BRSK2: variants seen among roughly 807,000 people sequenced by gnomAD.
BRSK2 encodes the protein serine/threonine-protein kinase BRSK2.
A neutral mutation model predicts 83.3 loss-of-function variants in BRSK2; 19 were observed. That is an observed-to-expected ratio of 0.23 (90% CI 0.16 to 0.33). The LOEUF is 0.33. Among genes scored for constraint, BRSK2 ranks in the 10% least tolerant of loss-of-function variants. The pLI is 1.00. For synonymous variants in BRSK2, 519 were observed against 435.4 expected (o/e 1.19, Z -2.39); for missense variants, 798 against 1,042.3 (o/e 0.77, Z 3.23).
intron 18 of BRSK2, 126 bp downstream of exon 18, chr11:1,456,813 C>G (rs972508592): frequency 1.6e-5 from 21 of 1,306,930 alleles, no homozygotes; most frequent in Non-Finnish European, 2.0e-5. Context: ...GACGCCCCCA[C>G]CTCCCTGCCC....
At chr11:1,410,664 C>A (rs1300820161) in intron 1 of BRSK2, 12 of 985,304 alleles carry the variant, frequency 1.2e-5, no homozygotes, top group Non-Finnish European at 1.4e-5. Flanking sequence ...CACCTGTGGC[C>A]CTGAGTCAGC....
intron 19 of BRSK2, among the ~76,000 whole-genome samples, 154 bp from the exon 20 acceptor site, chr11:1,460,346 G>A (rs1847273857): frequency 6.6e-6 from 1 of 151,816 alleles, no homozygotes; most frequent in Non-Finnish European, 1.5e-5. Context: ...CCCCATCTCA[G>A]CCTCATCTCT....
Position 1,451,489 on chromosome 11 carries a change from T to C in BRSK2, c.1544+70T>C, listed in dbSNP as rs547142037. 2.0e-5 allele frequency: 31 copies of C among 1,521,530 alleles called. No individual in the cohort carries two copies. In the African/African-American group the frequency reaches 4.2e-4, roughly 21 times the overall value. The allele number at this position is 1,521,530 out of a possible 1,614,324, so 94.3% of individuals were successfully genotyped here. ...TGGCCGGGAGAGGGGCATGGAACCC[T>C]TCCCCTATGGCCAACGGGGTGCTCC... is the stretch of plus-strand genomic sequence containing the variant. On this transcript the variant is annotated intron_variant, in intron 15 of 19. Transcript: ENST00000528841.
intron 12 of BRSK2, among the ~76,000 whole-genome samples, 183 bp downstream of exon 12, chr11:1,446,090 T>A (rs977210112): frequency 0.032 from 3,447 of 109,416 alleles, 140 homozygotes; most frequent in African/African-American, 0.097. Flanking sequence ...GGGCTGGGCT[T>A]AGCTGGGCTG....
At chr11:1,399,191 C>T (rs1846310268) in intron 1 of BRSK2, among the ~76,000 whole-genome samples, 2 of 152,238 alleles carry the variant, frequency 1.3e-5, no homozygotes, top group Admixed American at 1.3e-4. Context: ...TGGGCAGGCC[C>T]CCCAGGGCAG....
rs1277569112 is a variant in BRSK2 at position 1,460,489 on chromosome 11, T to C, written c.1988-11T>C. The C allele has an allele frequency of 1.4e-6, 2 of 1,456,918 alleles. No homozygotes were observed. The highest frequency in any genetic ancestry group is 3.0e-5 in the African/African-American group (2 of 67,442). 90.2% of individuals were successfully genotyped at this position (1,456,918 alleles called of 1,614,324 possible). A position where few individuals can be genotyped will look rare whatever the true frequency, so the allele number is the denominator to read the frequency against. ...TTTTTTTTTTTTTTTGTCTCTGTTC[T>C]GTGTACCCAGGCAGCCCATTGAGTA... On this transcript the variant is annotated splice_polypyrimidine_tract_variant and intron_variant, in intron 19 of 19. Transcript: ENST00000528841.
At position 1,454,431 on chromosome 11, in the gene BRSK2, G is replaced by A; in HGVS notation, c.1545-54G>A. 4 of 1,605,000 alleles carry A rather than the reference G, an allele frequency of 2.5e-6. No individual in the cohort carries two copies. The highest frequency in any genetic ancestry group is 3.4e-6 in the Non-Finnish European group (4 of 1,174,414). On this transcript the variant is annotated intron_variant, in intron 15 of 19. Coordinates refer to ENST00000528841, the MANE Select transcript of BRSK2 (RefSeq NM_001256627.2). This position sits in a 1 kb window ranked among gnomAD's most constrained non-coding sequence, Gnocchi z 5.2. ...CAACCCCAGATTCGAGGGAGGCAGG[G>A]GTGTGGACGGTGCCACACCTCAATC...
rs547612009 is a variant in BRSK2 at position 1,461,688 on chromosome 11, G to A, written c.*965G>A. On this transcript the variant is annotated 3_prime_UTR_variant, in exon 20 of 20. Coordinates refer to ENST00000528841, the MANE Select transcript of BRSK2 (RefSeq NM_001256627.2). Reference sequence around the variant, plus strand: ...GGACAGAGCTGGTGGGGCGCGGGGGGGCTGGCGAGCTACTGTAAACTTTAA... The same window carrying A: ...GGACAGAGCTGGTGGGGCGCGGGGGAGCTGGCGAGCTACTGTAAACTTTAA... The A allele has an allele frequency of 7.9e-5, 12 of 152,206 alleles. No homozygotes were observed. Among genetic ancestry groups the A allele is most frequent in the Admixed American group, 2.0e-4 (3 of 15,304 alleles). 9.4% of individuals were successfully genotyped at this position (152,206 alleles called of 1,614,324 possible).
intron 14 of BRSK2, among the ~76,000 whole-genome samples, 174 bp downstream of exon 14, chr11:1,450,968 C>G (rs893913687): frequency 6.6e-6 from 1 of 152,344 alleles, no homozygotes; most frequent in South Asian, 2.1e-4. Context: ...CTGTGTCCTA[C>G]CTGTCGCACA....
rs761409749 is a variant in BRSK2 at position 1,416,520 on chromosome 11, C to T, written c.92-19520C>T. 8.5e-5 allele frequency among the ~76,000 whole-genome samples: 13 copies of T among 152,316 alleles called. No homozygotes were observed. In the South Asian group the frequency reaches 1.0e-3, roughly 12 times the overall value. ...GCTTCCCACACGTCTGTGTCCAACA[C>T]GTTCCCCCGGCTTTCATTTAACTAC... On this transcript the variant is annotated intron_variant, in intron 1 of 19. Coordinates refer to ENST00000528841, the MANE Select transcript of BRSK2 (RefSeq NM_001256627.2).
At chr11:1,419,274 G>A (rs1848415030) in intron 1 of BRSK2, among the ~76,000 whole-genome samples, 1 of 152,144 alleles carries the variant, frequency 6.6e-6, no homozygotes, top group South Asian at 2.1e-4. Flanking sequence ...TGCATGTCAG[G>A]TGTGAGTCTG....
At chr11:1,391,187 G>A (rs1446622990) in intron 1 of BRSK2, among the ~76,000 whole-genome samples, 5 of 152,256 alleles carry the variant, frequency 3.3e-5, no homozygotes, top group African/African-American at 9.6e-5. Flanking sequence ...GGTTTGGCTA[G>A]CCCTTCATCT....
chr11:1,423,162 G>A lies in BRSK2; in HGVS notation c.92-12878G>A, dbSNP rs542272519. On this transcript the variant is annotated intron_variant, in intron 1 of 19. Coordinates refer to ENST00000528841, the MANE Select transcript of BRSK2 (RefSeq NM_001256627.2). This position sits in a 1 kb window ranked among gnomAD's most constrained non-coding sequence, Gnocchi z 6.5. Reference sequence around the variant, plus strand: ...TGTACCTCAGGGCCTCCCCCAGAGCGGTGCCTCGTGGGGGATGCGGTGCCT... The same window carrying A: ...TGTACCTCAGGGCCTCCCCCAGAGCAGTGCCTCGTGGGGGATGCGGTGCCT... Among the ~76,000 whole-genome samples the A allele has an allele frequency of 3.3e-4, 50 of 152,184 alleles. No individual in the cohort carries two copies. Among genetic ancestry groups the A allele is most frequent in the African/African-American group, 9.9e-4 (41 of 41,518 alleles).
chr11:1,458,557 C>G (rs1293099466), intron 18 of BRSK2, among the ~76,000 whole-genome samples: 1 of 151,922 alleles, frequency 6.6e-6, no homozygotes, highest in Non-Finnish European at 1.5e-5. Context: ...ACACTGCCCA[C>G]CCCCCCAGAG....
At chr11:1,427,078 C>T (rs375455062) in intron 1 of BRSK2, among the ~76,000 whole-genome samples, 36 of 152,166 alleles carry the variant, frequency 2.4e-4, no homozygotes, top group African/African-American at 8.2e-4. Context: ...AAGAGCAGCC[C>T]GTCCAGCCCT....
intron 1 of BRSK2, among the ~76,000 whole-genome samples, chr11:1,425,806 C>T (rs1170158243): frequency 1.3e-5 from 2 of 152,214 alleles, no homozygotes; most frequent in African/African-American, 4.8e-5. Context: ...CCCCAGGTGG[C>T]ACTCCAGGCC....
intron 1 of BRSK2, among the ~76,000 whole-genome samples, chr11:1,420,549 G>A (rs1181145001): frequency 6.6e-6 from 1 of 152,212 alleles, no homozygotes; most frequent in Non-Finnish European, 1.5e-5. Flanking sequence ...ATTCAGGAAG[G>A]TTTGACAGGT....
chr11:1,410,516 G>A, intron 1 of BRSK2: 2 of 985,468 alleles, frequency 2.0e-6, no homozygotes, highest in Non-Finnish European at 2.4e-6. Flanking sequence ...GCAGACTTCG[G>A]TGCTTCAAAG....
At position 1,449,516 on chromosome 11, in the gene BRSK2, G is replaced by A. The variant is rs557641111; in HGVS notation, c.1227-260G>A. Among the ~76,000 whole-genome samples the A allele has an allele frequency of 7.9e-5, 12 of 152,298 alleles. No homozygotes were observed. In the East Asian group the frequency reaches 1.5e-3, roughly 20 times the overall value. ...TCCTTTGCCGCGGCTGTCTGATGCC[G>A]TATCCTGTGCTGTGCCTGGGCTGCT... On this transcript the variant is annotated intron_variant, in intron 12 of 19. Coordinates refer to ENST00000528841, the MANE Select transcript of BRSK2 (RefSeq NM_001256627.2).
Sources: allele counts gnomAD v4.1 joint callset (sites outside exome capture counted in the v4.1 genomes callset), GRCh38; gene constraint gnomAD v4.1.1; non-coding constraint Gnocchi (gnomAD v3.1); transcripts MANE v1.5; gene names NCBI Gene and HGNC (gene_info 2026-07-23, HGNC 2026-07-21).